MAP2K1: variants seen among roughly 807,000 people sequenced by gnomAD.
MAP2K1 encodes mitogen-activated protein kinase kinase 1.
A neutral mutation model predicts 46.3 loss-of-function variants in MAP2K1; 16 were observed. The ratio of observed to expected loss-of-function variants is 0.35; its 90% CI spans 0.23 to 0.52. MAP2K1 has a LOEUF of 0.52. Among genes scored for constraint, MAP2K1 ranks in the 20% least tolerant of loss-of-function variants. MAP2K1 has a pLI of 0.94. For missense variants in MAP2K1, 263 were observed against 497.1 expected (o/e 0.53, Z 4.48); for synonymous variants, 183 against 185.6 (o/e 0.99, Z 0.11).
intron 1 of MAP2K1, among the ~76,000 whole-genome samples, chr15:66,397,952 A>G (rs556040655): frequency 6.6e-6 from 1 of 152,262 alleles, no homozygotes; most frequent in South Asian, 2.1e-4. Context: ...AAATACAAAA[A>G]TTAGCCAGGT....
At chr15:66,417,906 G>A (rs994264922) in intron 1 of MAP2K1, among the ~76,000 whole-genome samples, 4 of 152,136 alleles carry the variant, frequency 2.6e-5, no homozygotes, top group Non-Finnish European at 5.9e-5. Flanking sequence ...GTGCTTCTGG[G>A]CACTGGCTAC....
chr15:66,396,966 T>A (rs571077600), intron 1 of MAP2K1, among the ~76,000 whole-genome samples: 4 of 147,972 alleles, frequency 2.7e-5, no homozygotes, highest in African/African-American at 1.0e-4. Flanking sequence ...ATTACAGGCA[T>A]GAGCTACCAT....
chr15:66,432,741 C>T (rs2093477890), intron 1 of MAP2K1, among the ~76,000 whole-genome samples: 1 of 152,262 alleles, frequency 6.6e-6, no homozygotes, highest in South Asian at 2.1e-4. Flanking sequence ...CATTCGTTCT[C>T]TCTGCCTGAA....
At chr15:66,422,949 CTTTTTTGT>C (rs1049882373) in intron 1 of MAP2K1, among the ~76,000 whole-genome samples, 53 of 151,822 alleles carry the variant, frequency 3.5e-4, no homozygotes, top group East Asian at 3.1e-3. Context: ...TGGTTAATTT[CTTTTTTGT>C]TTTTTTGTTT....
At chr15:66,428,272 G>T (rs1461246168) in intron 1 of MAP2K1, among the ~76,000 whole-genome samples, 1 of 472 alleles carries the variant, frequency 2.1e-3, no homozygotes, top group East Asian at 0.05. Context: ...GCAGTTGTGC[G>T]TGTGTGTGTG....
At chr15:66,416,374 C>T (rs897701709) in intron 1 of MAP2K1, among the ~76,000 whole-genome samples, 1 of 151,782 alleles carries the variant, frequency 6.6e-6, no homozygotes, top group Non-Finnish European at 1.5e-5. Flanking sequence ...ACACACCCAC[C>T]CACACACCCA....
rs200963333 is a variant in MAP2K1 at position 66,487,306 on chromosome 15, G to A, written c.960+14G>A. 14 of 1,613,472 alleles carry A rather than the reference G, an allele frequency of 8.7e-6. No homozygotes were observed. Among genetic ancestry groups the A allele is most frequent in the Non-Finnish European group, 1.2e-5 (14 of 1,179,368 alleles). Reference sequence around the variant, plus strand: ...ATAGTCAACGAGGTAAGTACTGCCTGGTTTCCTTCACCTTGGAATTTACTT... The same window carrying A: ...ATAGTCAACGAGGTAAGTACTGCCTAGTTTCCTTCACCTTGGAATTTACTT... On this transcript the variant is annotated intron_variant, in intron 8 of 10. Coordinates refer to ENST00000307102, the MANE Select transcript of MAP2K1 (RefSeq NM_002755.4).
chr15:66,482,038 G>A (rs1892926556), intron 6 of MAP2K1, among the ~76,000 whole-genome samples, 159 bp downstream of exon 6: 1 of 152,166 alleles, frequency 6.6e-6, no homozygotes, highest in Non-Finnish European at 1.5e-5. Context: ...AGTTGAATGG[G>A]AAGATGGTCT....
chr15:66,430,100 T>C (rs1450977803), intron 1 of MAP2K1, among the ~76,000 whole-genome samples: 2 of 152,108 alleles, frequency 1.3e-5, no homozygotes, highest in African/African-American at 2.4e-5. Context: ...GATGGGTAAA[T>C]AGGGGTAGAA....
At chr15:66,477,024 C>T (rs1892769418) in intron 5 of MAP2K1, among the ~76,000 whole-genome samples, 1 of 152,106 alleles carries the variant, frequency 6.6e-6, no homozygotes, top group African/African-American at 2.4e-5. Flanking sequence ...TTCCAGGTGG[C>T]TTCTTGTGAG....
At chr15:66,432,644 A>G (rs1380968192) in intron 1 of MAP2K1, among the ~76,000 whole-genome samples, 1 of 152,164 alleles carries the variant, frequency 6.6e-6, no homozygotes, top group Non-Finnish European at 1.5e-5. Context: ...AATGCCTCAC[A>G]CTGGGATCTT....
chr15:66,423,641 CTT>C (rs1250661292), intron 1 of MAP2K1, among the ~76,000 whole-genome samples: 3 of 123,680 alleles, frequency 2.4e-5, no homozygotes, highest in Non-Finnish European at 3.2e-5. Context: ...GAGTTTCACT[CTT>C]GTTGACCAGG....
chr15:66,400,094 G>A (rs16949869), intron 1 of MAP2K1, among the ~76,000 whole-genome samples: 3,972 of 152,144 alleles, frequency 0.026, 58 homozygotes, highest in Non-Finnish European at 0.037. Flanking sequence ...TGAATGTACA[G>A]CATTGCTGAT....
Position 66,387,150 on chromosome 15 carries a change from G to C in MAP2K1, c.-198G>C, listed in dbSNP as rs561213249. Reference sequence around the variant, plus strand: ...CTGCGCGCGAAGCCGAGTCCCGGGCGGGTGGGGCGGGGGTCCACTGAGACC... The same window carrying C: ...CTGCGCGCGAAGCCGAGTCCCGGGCCGGTGGGGCGGGGGTCCACTGAGACC... On this transcript the variant is annotated 5_prime_UTR_variant, in exon 1 of 11. Transcript: ENST00000307102. The C allele has an allele frequency of 4.8e-5, 22 of 461,872 alleles. No individual in the cohort carries two copies. The South Asian group carries it at 1.2e-3, about 24-fold the overall frequency. 28.6% of individuals were successfully genotyped at this position (461,872 alleles called of 1,614,324 possible).
chr15:66,407,516 A>G (rs2093400541), intron 1 of MAP2K1, among the ~76,000 whole-genome samples: 1 of 152,142 alleles, frequency 6.6e-6, no homozygotes, highest in Admixed American at 6.5e-5. Context: ...TTCTCTGCAA[A>G]GTGGGAGTGA....
chr15:66,388,970 G>A lies in MAP2K1; in HGVS notation c.80+1543G>A, dbSNP rs868752230. Among the ~76,000 whole-genome samples, 17 of 144,882 alleles carry A rather than the reference G, an allele frequency of 1.2e-4. 1 individual carries two copies. The highest frequency in any genetic ancestry group is 2.8e-4 in the Admixed American group (4 of 14,078). ...TGCCCAGGCTGGAGTGCAATGGTGC[G>A]ATCTTGGCTAACTGCAGCCTCTGCC... On this transcript the variant is annotated intron_variant, in intron 1 of 10. Coordinates refer to ENST00000307102, the MANE Select transcript of MAP2K1 (RefSeq NM_002755.4).
In MAP2K1 at chr15:66,397,442, C is replaced by T. The variant is rs80230343; in HGVS notation, c.80+10015C>T. ...GGAGAGCATCATCCAAAATAACATA[C>T]ACGGAAGCACTTTATGGGGAGGCAA... On this transcript the variant is annotated intron_variant, in intron 1 of 10. Coordinates refer to ENST00000307102, the MANE Select transcript of MAP2K1 (RefSeq NM_002755.4). 6.5e-3 allele frequency among the ~76,000 whole-genome samples: 996 copies of T among 152,212 alleles called. 8 individuals are homozygous for T. The highest frequency in any genetic ancestry group is 0.023 in the African/African-American group (940 of 41,500).
chr15:66,489,516 AC>A lies in MAP2K1; in HGVS notation c.1023-201del, dbSNP rs149355772. The A allele has an allele frequency of 1.2e-3, 778 of 673,622 alleles. 4 individuals carry two copies. In the African/African-American group the frequency reaches 0.012, roughly 11 times the overall value. The allele number at this position is 673,622 out of a possible 1,614,324, so 41.7% of individuals were successfully genotyped here. Reference sequence around the variant, plus strand: ...TGGTACTTGCTCTCCAGGGATTGGCACGTTGCTTTTTGACCTTAGTTTAACT... The same window carrying A: ...TGGTACTTGCTCTCCAGGGATTGGCAGTTGCTTTTTGACCTTAGTTTAACT... On this transcript the variant is annotated intron_variant, in intron 9 of 10. Coordinates refer to ENST00000307102, the MANE Select transcript of MAP2K1 (RefSeq NM_002755.4).
At chr15:66,406,125 T>C (rs2093396019) in intron 1 of MAP2K1, among the ~76,000 whole-genome samples, 1 of 152,266 alleles carries the variant, frequency 6.6e-6, no homozygotes, top group Non-Finnish European at 1.5e-5. Flanking sequence ...GTTTAGTGTT[T>C]AACTCATACA....
Sources: gnomAD v4.1 joint callset for allele counts (sites outside exome capture counted in the v4.1 genomes callset) on GRCh38, gnomAD v4.1.1 for gene constraint, MANE v1.5 for transcripts, NCBI Gene and HGNC (gene_info 2026-07-23, HGNC 2026-07-21) for gene names.